The following BMP5 variants were observed in gnomAD, a reference collection of about 807,000 sequenced individuals.
The protein encoded by BMP5 is bone morphogenetic protein 5.
BMP5 carries 23 observed loss-of-function variants against 46.6 expected under a neutral mutation model. The observed-to-expected ratio is 0.49, with a 90% CI of 0.35 to 0.70. The LOEUF (loss-of-function observed/expected upper bound fraction) is 0.70, where lower values mean the gene tolerates loss of function less well. Among genes scored for constraint, BMP5 ranks in the 30% least tolerant of loss-of-function variants. BMP5 has a pLI of 0.00. For synonymous variants in BMP5, 204 were observed against 191.9 expected (o/e 1.06, Z -0.52); for missense variants, 545 against 565.6 (o/e 0.96, Z 0.37).
At chr6:55,765,880 T>C (rs1328115644) in intron 4 of BMP5, among the ~76,000 whole-genome samples, 3 of 152,142 alleles carry the variant, frequency 2.0e-5, no homozygotes, top group Non-Finnish European at 4.4e-5. Context: ...ATCGTCACTT[T>C]AGAGCTCCTT....
chr6:55,761,707 G>C (rs1166987041), intron 4 of BMP5, among the ~76,000 whole-genome samples: 1 of 151,970 alleles, frequency 6.6e-6, no homozygotes, highest in Non-Finnish European at 1.5e-5. Context: ...CTCTCACCCT[G>C]ATACACCTGA....
chr6:55,853,185 A>C (rs62404983), intron 1 of BMP5, among the ~76,000 whole-genome samples: 2 of 89,330 alleles, frequency 2.2e-5, no homozygotes, highest in Non-Finnish European at 5.8e-5. Context: ...AATAAAATAA[A>C]ATAAAATAAA....
rs1774539522 is a variant in BMP5, at chr6:55,754,800, T to C, written c.*733A>G. ...TTTATTTGAGGTAAGAAGGTTGTACTACAATTAGTGTTAACTTGGAAAGCT... is the reference window on the plus strand; with the variant it reads ...TTTATTTGAGGTAAGAAGGTTGTACCACAATTAGTGTTAACTTGGAAAGCT... On this transcript the variant is annotated 3_prime_UTR_variant, in exon 7 of 7. Transcript: ENST00000370830. 6.6e-6 allele frequency: 1 copy of C among 152,048 alleles called. No homozygotes were observed. Among genetic ancestry groups the C allele is most frequent in the South Asian group, 2.1e-4 (1 of 4,834 alleles). The allele number at this position is 152,048 out of a possible 1,614,324, so 9.4% of individuals were successfully genotyped here.
Position 55,811,228 on chromosome 6 carries a change from G to A in BMP5, c.683+8427C>T, listed in dbSNP as rs192675380. On this transcript the variant is annotated intron_variant, in intron 2 of 6. Coordinates refer to ENST00000370830, the MANE Select transcript of BMP5 (RefSeq NM_021073.4). Reference sequence around the variant, plus strand: ...AGGCAGGGGGAGATGATGTAAATATGAAGCTGACTGTGAACTGGAATGATG... The same window carrying A: ...AGGCAGGGGGAGATGATGTAAATATAAAGCTGACTGTGAACTGGAATGATG... Among the ~76,000 whole-genome samples, 496 of 152,262 alleles carry A rather than the reference G, an allele frequency of 3.3e-3. 1 individual carries two copies. Among genetic ancestry groups the A allele is most frequent in the Non-Finnish European group, 5.4e-3 (369 of 68,014 alleles).
Position 55,755,480 on chromosome 6 carries a change from G to A in BMP5, c.*53C>T. The A allele has an allele frequency of 6.5e-7, 1 of 1,529,384 alleles. No homozygotes were observed. Among genetic ancestry groups the A allele is most frequent in the Non-Finnish European group, 9.0e-7 (1 of 1,115,592 alleles). The allele number at this position is 1,529,384 out of a possible 1,614,324, so 94.7% of individuals were successfully genotyped here. ...TTTGTCTGAAAGTATGCTTTTTATT[G>A]CAGCCATAAACCTTAATACAGATCT... On this transcript the variant is annotated 3_prime_UTR_variant, in exon 7 of 7. Coordinates refer to ENST00000370830, the MANE Select transcript of BMP5 (RefSeq NM_021073.4).
At chr6:55,758,949 CT>C (rs927408984) in intron 6 of BMP5, 55 bp downstream of exon 6, 2 of 1,193,570 alleles carry the variant, frequency 1.7e-6, no homozygotes, top group Non-Finnish European at 2.5e-6. Context: ...TCTAAAACAA[CT>C]TTATAATATG....
At chr6:55,870,754 G>T (rs75740629) in intron 1 of BMP5, among the ~76,000 whole-genome samples, 1,940 of 152,196 alleles carry the variant, frequency 0.013, 18 homozygotes, top group Non-Finnish European at 0.02. Context: ...AGAACTTAAT[G>T]ATTAGGGTAA....
intron 1 of BMP5, 56 bp from the exon 2 acceptor site, chr6:55,819,903 A>G (rs968892648): frequency 1.2e-5 from 17 of 1,393,748 alleles, no homozygotes; most frequent in Middle Eastern, 1.8e-4. Flanking sequence ...TAAAATATGG[A>G]AATTAATGAT....
At chr6:55,763,491 C>T (rs1190653292) in intron 4 of BMP5, among the ~76,000 whole-genome samples, 2 of 151,996 alleles carry the variant, frequency 1.3e-5, no homozygotes, top group Admixed American at 1.3e-4. Flanking sequence ...AAATGTTGTA[C>T]CCAAACTAGA....
intron 1 of BMP5, among the ~76,000 whole-genome samples, chr6:55,873,422 T>G (rs1777830258): frequency 6.6e-6 from 1 of 151,912 alleles, no homozygotes; most frequent in African/African-American, 2.4e-5. Flanking sequence ...TATTTTCCTT[T>G]GACTGCCAGA....
Position 55,792,490 on chromosome 6 carries a change from C to T in BMP5, c.832+1789G>A, listed in dbSNP as rs181914104. ...CAGAGCTTGCAGTGAGCCGAGATTG[C>T]GCCACTGCACTCCAGCCTGGGCAAC... On this transcript the variant is annotated intron_variant, in intron 3 of 6. Coordinates refer to ENST00000370830, the MANE Select transcript of BMP5 (RefSeq NM_021073.4). Among the ~76,000 whole-genome samples the T allele has an allele frequency of 5.2e-3, 769 of 148,294 alleles. 5 individuals carry two copies. Among genetic ancestry groups the T allele is most frequent in the African/African-American group, 0.018 (713 of 40,002 alleles).
chr6:55,832,062 A>T (rs1293142974), intron 1 of BMP5, among the ~76,000 whole-genome samples: 1 of 152,162 alleles, frequency 6.6e-6, no homozygotes, highest in Non-Finnish European at 1.5e-5. Context: ...CTAACATCAC[A>T]AATATCCCAT....
At chr6:55,856,311 G>A (rs1357677045) in intron 1 of BMP5, among the ~76,000 whole-genome samples, 1 of 152,148 alleles carries the variant, frequency 6.6e-6, no homozygotes, top group Non-Finnish European at 1.5e-5. Context: ...CAGTTTTGGA[G>A]AATTGTGAAT....
At chr6:55,792,088 T>C (rs1775583920) in intron 3 of BMP5, among the ~76,000 whole-genome samples, 1 of 152,236 alleles carries the variant, frequency 6.6e-6, no homozygotes, top group African/African-American at 2.4e-5. Flanking sequence ...GCCATAATTG[T>C]ACTCTAACCT....
chr6:55,849,972 G>C (rs1464619844), intron 1 of BMP5, among the ~76,000 whole-genome samples: 3 of 152,012 alleles, frequency 2.0e-5, no homozygotes, highest in Non-Finnish European at 4.4e-5. Flanking sequence ...TGAAACTTGT[G>C]CTTAAACAGC....
intron 5 of BMP5, among the ~76,000 whole-genome samples, chr6:55,760,096 T>C (rs941528233): frequency 6.6e-6 from 1 of 151,944 alleles, no homozygotes; most frequent in Non-Finnish European, 1.5e-5. Flanking sequence ...ATTCCAATAG[T>C]TGGAGACCCT....
chr6:55,821,613 G>T (rs947509453), intron 1 of BMP5, among the ~76,000 whole-genome samples: 3 of 152,088 alleles, frequency 2.0e-5, no homozygotes, highest in African/African-American at 7.2e-5. Flanking sequence ...TCCTAAGAAA[G>T]GTCCATTTCC....
chr6:55,771,701 G>C (rs959329414), intron 4 of BMP5, among the ~76,000 whole-genome samples: 6 of 151,802 alleles, frequency 4.0e-5, no homozygotes, highest in Admixed American at 4.0e-4. Flanking sequence ...TAATTCTTCT[G>C]TACTAATGGA....
In BMP5 at chr6:55,819,954, T is replaced by C; in HGVS notation, c.491-107A>G. 3 of 1,037,028 alleles carry C rather than the reference T, an allele frequency of 2.9e-6. No individual in the cohort carries two copies. In the South Asian group the frequency reaches 4.4e-5, roughly 15 times the overall value. 64.2% of individuals were successfully genotyped at this position (1,037,028 alleles called of 1,614,324 possible). ...GAAAGAAAACAAACAAGCAGGATAGTATAAAACTGGAAAAACCCTAAAACC... is the reference window on the plus strand; with the variant it reads ...GAAAGAAAACAAACAAGCAGGATAGCATAAAACTGGAAAAACCCTAAAACC... On this transcript the variant is annotated intron_variant, in intron 1 of 6. Transcript: ENST00000370830.
Sources: gnomAD v4.1 joint callset for allele counts (sites outside exome capture counted in the v4.1 genomes callset) on GRCh38, gnomAD v4.1.1 for gene constraint, MANE v1.5 for transcripts, NCBI Gene and HGNC (gene_info 2026-07-23, HGNC 2026-07-21) for gene names.